The following BCAR3 variants were observed in gnomAD, a reference collection of about 807,000 sequenced individuals.
The protein encoded by BCAR3 is BCAR3 adaptor protein, NSP family member.
Under a neutral mutation model 80.1 loss-of-function variants are expected in BCAR3, and 37 were observed. The ratio of observed to expected loss-of-function variants is 0.46; its 90% CI spans 0.36 to 0.61. The LOEUF (loss-of-function observed/expected upper bound fraction) is 0.61, where lower values mean the gene tolerates loss of function less well. Among genes scored for constraint, BCAR3 ranks in the 20% least tolerant of loss-of-function variants. The pLI is 0.00. For missense variants in BCAR3, 978 were observed against 1,068.2 expected (o/e 0.92, Z 1.18); for synonymous variants, 389 against 418.9 (o/e 0.93, Z 0.87).
At chr1:93,737,431 G>A (rs1229155533) in intron 2 of BCAR3, among the ~76,000 whole-genome samples, 1 of 152,208 alleles carries the variant, frequency 6.6e-6, no homozygotes, top group Non-Finnish European at 1.5e-5. Context: ...GAGACACACA[G>A]GGAAGAAGCC....
In BCAR3 at chr1:93,687,191, T is replaced by C. The variant is rs1571045220; in HGVS notation, c.-11-12250A>G. ...TTATATTACATCATAAATCTCCCCA[T>C]AGGCTAAATAAATATAATCCCCTGG... is the stretch of plus-strand genomic sequence containing the variant. On this transcript the variant is annotated intron_variant, in intron 3 of 13. Transcript: ENST00000370244. 2.0e-5 allele frequency among the ~76,000 whole-genome samples: 3 copies of C among 152,330 alleles called. No individual in the cohort carries two copies. The East Asian group carries it at 5.8e-4, about 29-fold the overall frequency.
intron 2 of BCAR3, among the ~76,000 whole-genome samples, chr1:93,654,814 C>G (rs1183537195): frequency 6.6e-6 from 1 of 152,212 alleles, no homozygotes; most frequent in Non-Finnish European, 1.5e-5. Context: ...CACACACCAC[C>G]TCCTCCGAGA....
chr1:93,778,943 CA>C (rs1361346334), intron 2 of BCAR3, among the ~76,000 whole-genome samples: 1 of 152,128 alleles, frequency 6.6e-6, no homozygotes, highest in African/African-American at 2.4e-5. Flanking sequence ...TTGAAAGCCT[CA>C]AGCTTTGGTG....
At chr1:93,794,137 T>A (rs991935814) in intron 2 of BCAR3, among the ~76,000 whole-genome samples, 1 of 51,802 alleles carries the variant, frequency 1.9e-5, no homozygotes, top group Non-Finnish European at 3.1e-5. Flanking sequence ...TTCTGTTGAT[T>A]TGGGGTGGAG....
At chr1:93,768,721 A>G (rs889642814) in intron 2 of BCAR3, among the ~76,000 whole-genome samples, 3 of 152,226 alleles carry the variant, frequency 2.0e-5, no homozygotes, top group Admixed American at 2.0e-4. Context: ...AAGTAGAGAT[A>G]TCGCAGGAAG....
At chr1:93,799,668 C>G (rs1477991321) in intron 2 of BCAR3, among the ~76,000 whole-genome samples, 1 of 152,134 alleles carries the variant, frequency 6.6e-6, no homozygotes, top group African/African-American at 2.4e-5. Context: ...TTTTTACAAT[C>G]ATGAAGAATG....
intron 3 of BCAR3, among the ~76,000 whole-genome samples, chr1:93,633,338 T>C (rs1417539492): frequency 6.6e-6 from 1 of 152,208 alleles, no homozygotes; most frequent in Non-Finnish European, 1.5e-5. Context: ...GTCTTAATTC[T>C]ATCTCTAAAA....
At chr1:93,642,268 AG>A in intron 3 of BCAR3, 35 bp downstream of exon 3, 1 of 1,606,028 alleles carries the variant, frequency 6.2e-7, no homozygotes, top group Non-Finnish European at 8.5e-7. Context: ...TCTACTACCC[AG>A]GGTCACGGCT....
intron 2 of BCAR3, among the ~76,000 whole-genome samples, chr1:93,653,614 C>T (rs542054799): frequency 1.3e-5 from 2 of 152,302 alleles, no homozygotes; most frequent in South Asian, 4.1e-4. Context: ...AAACACAAAG[C>T]CCCTGACTCC....
chr1:93,635,513 G>A (rs931924465), intron 3 of BCAR3, among the ~76,000 whole-genome samples: 2 of 152,174 alleles, frequency 1.3e-5, no homozygotes, highest in African/African-American at 4.8e-5. Context: ...TCCTACCTCA[G>A]CATTTTTAAT....
At chr1:93,713,921 T>C (rs1467838946) in intron 2 of BCAR3, among the ~76,000 whole-genome samples, 1 of 152,254 alleles carries the variant, frequency 6.6e-6, no homozygotes, top group Non-Finnish European at 1.5e-5. Flanking sequence ...TCTGAGTACA[T>C]GGGAATTCTA....
intron 2 of BCAR3, among the ~76,000 whole-genome samples, chr1:93,727,575 G>A (rs978246852): frequency 2.6e-5 from 4 of 152,156 alleles, no homozygotes; most frequent in Admixed American, 6.5e-5. Context: ...CTCCACTCAC[G>A]AGGCAGGTAC....
intron 2 of BCAR3, among the ~76,000 whole-genome samples, 157 bp downstream of exon 2, chr1:93,674,457 T>A (rs1035945197): frequency 1.3e-5 from 2 of 152,184 alleles, no homozygotes; most frequent in Non-Finnish European, 2.9e-5. Flanking sequence ...GGTTTCACCA[T>A]GTTGGTCTGG....
At chr1:93,644,888 T>C (rs1012328859) in intron 2 of BCAR3, among the ~76,000 whole-genome samples, 1 of 152,194 alleles carries the variant, frequency 6.6e-6, no homozygotes, top group East Asian at 1.9e-4. Context: ...ATTTTTCTCC[T>C]AGGAAGTTGT....
intron 3 of BCAR3, among the ~76,000 whole-genome samples, chr1:93,701,819 C>T (rs1255705893): frequency 6.6e-6 from 1 of 152,194 alleles, no homozygotes; most frequent in Non-Finnish European, 1.5e-5. Context: ...GCAGGCCATG[C>T]AGAAAAGCCA....
intron 2 of BCAR3, among the ~76,000 whole-genome samples, chr1:93,728,913 G>A (rs992960623): frequency 6.6e-6 from 1 of 152,062 alleles, no homozygotes; most frequent in African/African-American, 2.4e-5. Context: ...AAAAATGCCT[G>A]TCCTCACTTA....
chr1:93,685,449 T>C (rs1648943418), upstream of BCAR3, among the ~76,000 whole-genome samples: 1 of 152,202 alleles, frequency 6.6e-6, no homozygotes. Context: ...ACACTTTGCT[T>C]TTTAAAAACC....
chr1:93,777,385 TCTTC>T (rs1652596445), intron 2 of BCAR3, among the ~76,000 whole-genome samples: 1 of 136,624 alleles, frequency 7.3e-6, no homozygotes, highest in South Asian at 2.2e-4. Flanking sequence ...CTCCTCTTCT[TCTTC>T]CTCTTCTTCC....
intron 8 of BCAR3, among the ~76,000 whole-genome samples, chr1:93,574,132 C>T (rs372095832): frequency 2.0e-5 from 3 of 152,092 alleles, no homozygotes; most frequent in African/African-American, 7.3e-5. Context: ...TATCCATTCA[C>T]TCAACCAATA....
Sources: gnomAD v4.1 joint callset for allele counts (sites outside exome capture counted in the v4.1 genomes callset) on GRCh38, gnomAD v4.1.1 for gene constraint, MANE v1.5 for transcripts, NCBI Gene and HGNC (gene_info 2026-07-23, HGNC 2026-07-21) for gene names.